PAK6: variants seen among roughly 807,000 people sequenced by gnomAD.
PAK6 encodes the protein p21 (RAC1) activated kinase 6.
In PAK6, 33 loss-of-function variants were observed where a neutral mutation model predicts 60.8. The ratio of observed to expected loss-of-function variants is 0.54; its 90% CI spans 0.41 to 0.73. PAK6 has a LOEUF of 0.73. Ranked by LOEUF, PAK6 falls within the 30% of genes least tolerant of loss-of-function variation. The pLI is 0.00. For missense variants in PAK6, 845 were observed against 904.1 expected (o/e 0.93, Z 0.84); for synonymous variants, 404 against 378.5 (o/e 1.07, Z -0.78).
intron 3 of PAK6, among the ~76,000 whole-genome samples, chr15:40,263,368 CAA>C (rs1478833291): frequency 6.6e-6 from 1 of 152,188 alleles, no homozygotes; most frequent in Admixed American, 6.5e-5. Context: ...CAAAAGCATT[CAA>C]GAGGCAGCCC....
At chr15:40,274,210 C>T (rs765637734) in exon 10 of PAK6, 1 of 1,613,704 alleles carries the variant, frequency 6.2e-7, no homozygotes, top group Non-Finnish European at 8.5e-7. Flanking sequence ...ACTTCAGTGA[C>T]TCCCCAGTGC....
At chr15:40,257,360 G>A (rs184486002) in intron 3 of PAK6, among the ~76,000 whole-genome samples, 7 of 152,334 alleles carry the variant, frequency 4.6e-5, no homozygotes, top group African/African-American at 1.4e-4. Flanking sequence ...GCCTCAGCGC[G>A]TTCTTGTGAA....
At chr15:40,252,797 C>T (rs769451856) in intron 2 of PAK6, 2 of 1,298,834 alleles carry the variant, frequency 1.5e-6, no homozygotes, top group South Asian at 1.2e-5. Context: ...GACCAGCCGG[C>T]GCCAGGCGAG....
intron 2 of PAK6, among the ~76,000 whole-genome samples, chr15:40,240,959 A>G (rs1025204843): frequency 3.3e-5 from 5 of 152,110 alleles, no homozygotes; most frequent in African/African-American, 1.2e-4. Context: ...CCACCGGGAC[A>G]CCCCTATCCA....
Position 40,273,150 on chromosome 15 carries a change from G to A in PAK6, c.1490+151G>A, listed in dbSNP as rs1595603778. On this transcript the variant is annotated intron_variant, in intron 7 of 10. Coordinates refer to ENST00000560346, the Ensembl canonical transcript of PAK6. ...TAACTGAGACCCAGGGGTCTTGGGA[G>A]TGGAGAAGAGAAGGATAGCTTCTAG... 5.0e-6 allele frequency: 6 copies of A among 1,191,932 alleles called. No individual in the cohort carries two copies. In the East Asian group the frequency reaches 9.8e-5, roughly 20 times the overall value. 73.8% of individuals were successfully genotyped at this position (1,191,932 alleles called of 1,614,324 possible).
chr15:40,259,822 T>C (rs890161435), intron 3 of PAK6: 3 of 151,374 alleles, frequency 2.0e-5, no homozygotes, highest in Admixed American at 6.6e-5. Flanking sequence ...TGTTTTTTTT[T>C]AGAGAAGCAA....
intron 5 of PAK6, among the ~76,000 whole-genome samples, chr15:40,271,337 C>T (rs2039295746): frequency 6.6e-6 from 1 of 152,178 alleles, no homozygotes; most frequent in African/African-American, 2.4e-5. Context: ...GGGGCCCAGG[C>T]TGCCCCTCAG....
intron 2 of PAK6, chr15:40,245,363 C>T (rs747626460): frequency 6.6e-6 from 1 of 152,296 alleles, no homozygotes; most frequent in Non-Finnish European, 1.5e-5. Flanking sequence ...GACCAGGACT[C>T]CTAAAGGCTG....
At chr15:40,273,966 T>C in intron 9 of PAK6, 176 bp from the exon 10 acceptor site, 2 of 746,942 alleles carry the variant, frequency 2.7e-6, no homozygotes, top group South Asian at 1.7e-5. Flanking sequence ...CTATAGGCAG[T>C]GGTCACTCAT....
chr15:40,257,960 G>A (rs945219708), intron 3 of PAK6, among the ~76,000 whole-genome samples: 4 of 152,208 alleles, frequency 2.6e-5, no homozygotes, highest in African/African-American at 4.8e-5. Flanking sequence ...CCTGGCTTCA[G>A]GCTGAGCCCC....
chr15:40,259,411 G>A (rs911487509), intron 3 of PAK6: 2 of 152,256 alleles, frequency 1.3e-5, no homozygotes, highest in African/African-American at 4.8e-5. Context: ...CGATGACTGG[G>A]GCAACACTGG....
chr15:40,269,090 C>T (rs1566856065), intron 5 of PAK6, among the ~76,000 whole-genome samples: 2 of 152,228 alleles, frequency 1.3e-5, no homozygotes, highest in Non-Finnish European at 2.9e-5. Flanking sequence ...ACAATCTTGG[C>T]TCACTGCAAC....
chr15:40,272,763 G>A (rs1566858167), intron 6 of PAK6, 42 bp downstream of exon 6: 1 of 1,578,816 alleles, frequency 6.3e-7, no homozygotes, highest in Non-Finnish European at 8.6e-7. Context: ...CGTTGGGGAT[G>A]GGCAGTGAGC....
intron 10 of PAK6, among the ~76,000 whole-genome samples, chr15:40,275,172 C>T (rs570780927): frequency 1.3e-5 from 2 of 152,084 alleles, no homozygotes; most frequent in South Asian, 4.1e-4. Context: ...TTGCTTTAGA[C>T]TCTTAAGGCC....
At chr15:40,268,821 G>A (rs1403536851) in intron 5 of PAK6, among the ~76,000 whole-genome samples, 1 of 152,208 alleles carries the variant, frequency 6.6e-6, no homozygotes, top group Non-Finnish European at 1.5e-5. Context: ...GGCAAACATT[G>A]GTTAAGCACC....
chr15:40,255,012 A>AG (rs1478845259), intron 3 of PAK6, among the ~76,000 whole-genome samples: 1 of 152,212 alleles, frequency 6.6e-6, no homozygotes, highest in African/African-American at 2.4e-5. Context: ...GAGGTGAAAT[A>AG]GAGGTCTGGA....
chr15:40,263,959 T>C (rs2039051325), intron 3 of PAK6: 1 of 455,238 alleles, frequency 2.2e-6, no homozygotes, highest in South Asian at 1.5e-5. Context: ...GAGAGAAGAG[T>C]GTCAAGGGGA....
At chr15:40,272,457 G>A (rs765245517) in exon 6 of PAK6, 1 of 1,613,696 alleles carries the variant, frequency 6.2e-7, no homozygotes, top group South Asian at 1.1e-5. Flanking sequence ...CCAGCAACCT[G>A]TACCTGCCCC....
chr15:40,254,656 C>CT (rs567553797), intron 3 of PAK6, among the ~76,000 whole-genome samples: 86 of 152,330 alleles, frequency 5.6e-4, no homozygotes, highest in African/African-American at 1.9e-3. Flanking sequence ...GGTCACTTGA[C>CT]TTCTCTGGGC....
Sources: gnomAD v4.1 joint callset for allele counts (sites outside exome capture counted in the v4.1 genomes callset) on GRCh38, gnomAD v4.1.1 for gene constraint, MANE v1.5 for transcripts, NCBI Gene and HGNC (gene_info 2026-07-23, HGNC 2026-07-21) for gene names.